Variants in DTNB observed in about 807,000 individuals in gnomAD.
DTNB encodes the protein dystrobrevin beta.
In DTNB, 63 loss-of-function variants were observed where a neutral mutation model predicts 90.7. The ratio of observed to expected loss-of-function variants is 0.69; its 90% CI spans 0.57 to 0.86. The LOEUF (loss-of-function observed/expected upper bound fraction) is 0.86, where lower values mean the gene tolerates loss of function less well. Ranked by LOEUF, DTNB falls within the 40% of genes least tolerant of loss-of-function variation. The probability of loss-of-function intolerance (pLI) is 0.00; values close to 1 mark genes in which losing one functional copy is unlikely to be tolerated. For synonymous variants in DTNB, 277 were observed against 286.7 expected (o/e 0.97, Z 0.34); for missense variants, 744 against 807.1 (o/e 0.92, Z 0.95).
At chr2:25,450,526 T>C (rs2059121152) in intron 12 of DTNB, among the ~76,000 whole-genome samples, 1 of 152,242 alleles carries the variant, frequency 6.6e-6, no homozygotes, top group African/African-American at 2.4e-5. Flanking sequence ...GTTATGGTTA[T>C]TCTAGGTCCT....
chr2:25,573,434 T>C (rs2151307550), intron 8 of DTNB, among the ~76,000 whole-genome samples: 1 of 152,302 alleles, frequency 6.6e-6, no homozygotes, highest in South Asian at 2.1e-4. Context: ...CTACTAGGAC[T>C]TTGTGGCTTA....
chr2:25,644,493 T>C (rs2079021891), intron 2 of DTNB, among the ~76,000 whole-genome samples: 1 of 152,216 alleles, frequency 6.6e-6, no homozygotes, highest in African/African-American at 2.4e-5. Flanking sequence ...TGGTTGTTCA[T>C]GCCTGTAATC....
chr2:25,666,831 A>G (rs1399831775), intron 1 of DTNB, among the ~76,000 whole-genome samples: 1 of 152,146 alleles, frequency 6.6e-6, no homozygotes, highest in East Asian at 1.9e-4. Context: ...AGAAACGGAG[A>G]TATCTGGGCC....
chr2:25,397,218 T>C (rs2042601532), intron 16 of DTNB, among the ~76,000 whole-genome samples: 2 of 151,406 alleles, frequency 1.3e-5, no homozygotes, highest in African/African-American at 2.4e-5. Context: ...ACAATTCAAA[T>C]GTCCATCAAT....
intron 12 of DTNB, among the ~76,000 whole-genome samples, chr2:25,437,554 A>G (rs2056243165): frequency 6.6e-6 from 1 of 152,046 alleles, no homozygotes; most frequent in Non-Finnish European, 1.5e-5. Flanking sequence ...GAGCCACCGC[A>G]CTCAGCTTTT....
At chr2:25,616,960 A>AAAAAAC (rs2070881081) in intron 4 of DTNB, among the ~76,000 whole-genome samples, 3 of 150,778 alleles carry the variant, frequency 2.0e-5, no homozygotes, top group Non-Finnish European at 3.0e-5. Context: ...AAAGGAAAAA[A>AAAAAAC]AAGACTCATT....
rs1159398071 is a variant in DTNB at position 25,628,361 on chromosome 2, T to C, written c.172A>G (p.Met58Val). ...CCATTGTCTCGGAAGGCTTCAATCA[T>C]GTTCCAGATATCAACAAGATGAACT... ...CNLHLVDIWNMIEAFRDNGLN... is the reference protein window; with the variant it reads ...CNLHLVDIWNVIEAFRDNGLN... Residue 58 changes from methionine to valine, a missense_variant, in exon 4 of 21, where the codon ATG becomes GTG. Physicochemically the swap from Met to Val is conservative, Grantham distance 21 (BLOSUM62 1). Coordinates refer to ENST00000406818, the MANE Select transcript of DTNB (RefSeq NM_021907.5). The C allele has an allele frequency of 1.2e-6, 2 of 1,613,344 alleles. No individual in the cohort carries two copies. Among genetic ancestry groups the C allele is most frequent in the Non-Finnish European group, 1.7e-6 (2 of 1,179,728 alleles).
rs373766114 is a variant in DTNB, at chr2:25,379,487, A to G, written c.1880-164T>C. 5 of 855,262 alleles carry G rather than the reference A, an allele frequency of 5.8e-6. No homozygotes were observed. In the African/African-American group the frequency reaches 7.0e-5, roughly 12 times the overall value. The allele number at this position is 855,262 out of a possible 1,614,324, so 53.0% of individuals were successfully genotyped here. A position where few individuals can be genotyped will look rare whatever the true frequency, so the allele number is the denominator to read the frequency against. ...TCCCACCCAGGTATGACAGCAGGGTAGAGTCATACTTTCTACTACTGTAGC... is the reference window on the plus strand; with the variant it reads ...TCCCACCCAGGTATGACAGCAGGGTGGAGTCATACTTTCTACTACTGTAGC... On this transcript the variant is annotated intron_variant, in intron 19 of 20. Coordinates refer to ENST00000406818, the MANE Select transcript of DTNB (RefSeq NM_021907.5).
intron 9 of DTNB, among the ~76,000 whole-genome samples, chr2:25,500,220 C>T (rs570904956): frequency 1.3e-5 from 2 of 152,210 alleles, no homozygotes; most frequent in East Asian, 3.9e-4. Flanking sequence ...CCATTCTAAT[C>T]TACCTTAAGC....
rs369917335 is a variant in DTNB, at chr2:25,627,882, G to A, written c.362+289C>T. 2.8e-4 allele frequency among the ~76,000 whole-genome samples: 43 copies of A among 151,854 alleles called. 1 individual carries two copies. Among genetic ancestry groups the A allele is most frequent in the African/African-American group, 8.2e-4 (34 of 41,430 alleles). ...CTCCTAAGTAGCTGAGACTACAGGC[G>A]CCCACCACCACGCCCGGCTAATTTT... On this transcript the variant is annotated intron_variant, in intron 4 of 20. Coordinates refer to ENST00000406818, the MANE Select transcript of DTNB (RefSeq NM_021907.5).
intron 1 of DTNB, among the ~76,000 whole-genome samples, chr2:25,657,051 C>T (rs572170082): frequency 6.6e-6 from 1 of 152,252 alleles, no homozygotes; most frequent in Non-Finnish European, 1.5e-5. Flanking sequence ...TGGTGCATGC[C>T]TGTAATGCCA....
chr2:25,629,323 A>G (rs1437603891), intron 3 of DTNB, among the ~76,000 whole-genome samples: 1 of 152,232 alleles, frequency 6.6e-6, no homozygotes, highest in African/African-American at 2.4e-5. Flanking sequence ...CTAGGGGAAG[A>G]ACTGAAATTA....
chr2:25,568,530 A>G (rs1328086736), intron 8 of DTNB, among the ~76,000 whole-genome samples: 1 of 152,214 alleles, frequency 6.6e-6, no homozygotes, highest in African/African-American at 2.4e-5. Flanking sequence ...AAAAAAAACT[A>G]ACCTATTTAA....
At chr2:25,528,503 A>G (rs1177935390) in intron 9 of DTNB, among the ~76,000 whole-genome samples, 1 of 152,226 alleles carries the variant, frequency 6.6e-6, no homozygotes, top group East Asian at 1.9e-4. Flanking sequence ...TTATTTGCCG[A>G]TTATATAATT....
At chr2:25,401,407 G>A (rs1316779742) in intron 16 of DTNB, among the ~76,000 whole-genome samples, 1 of 152,224 alleles carries the variant, frequency 6.6e-6, no homozygotes, top group Non-Finnish European at 1.5e-5. Flanking sequence ...TGAGGACACG[G>A]GGATCCTTCA....
chr2:25,604,901 T>C (rs1357028281), intron 5 of DTNB, among the ~76,000 whole-genome samples: 1 of 152,142 alleles, frequency 6.6e-6, no homozygotes, highest in Non-Finnish European at 1.5e-5. Flanking sequence ...ATTGCTTTTA[T>C]AGATACACAG....
rs183708548 is a variant in DTNB, at chr2:25,436,208, G to A, written c.1258-2213C>T. Among the ~76,000 whole-genome samples the A allele has an allele frequency of 3.2e-3, 489 of 152,202 alleles. 2 individuals carry two copies. Among genetic ancestry groups the A allele is most frequent in the African/African-American group, 0.011 (460 of 41,546 alleles). On this transcript the variant is annotated intron_variant, in intron 12 of 20. Transcript: ENST00000406818. Reference sequence around the variant, plus strand: ...AAATTAGCCAGGTGTGGTGGTGGGCGCCTGTAATCTCAGCTACTTGGGAGG... The same window carrying A: ...AAATTAGCCAGGTGTGGTGGTGGGCACCTGTAATCTCAGCTACTTGGGAGG...
intron 20 of DTNB, 150 bp downstream of exon 20, chr2:25,379,140 G>T: frequency 1.5e-6 from 1 of 683,876 alleles, no homozygotes; most frequent in Non-Finnish European, 2.1e-6. Context: ...TGGCTGGGGT[G>T]GGCAAAGGGA....
chr2:25,416,802 A>AAGGAAGGAAGGAAGG, intron 16 of DTNB, among the ~76,000 whole-genome samples: 1 of 120,134 alleles, frequency 8.3e-6, no homozygotes, highest in African/African-American at 2.8e-5. Flanking sequence ...GGAAGGAAGG[A>AAGGAAGGAAGGAAGG]ACGAAGGAAG....
Sources: allele counts gnomAD v4.1 joint callset (sites outside exome capture counted in the v4.1 genomes callset), GRCh38; gene constraint gnomAD v4.1.1; transcripts MANE v1.5; gene names NCBI Gene and HGNC (gene_info 2026-07-23, HGNC 2026-07-21).